Variants in DNAI4 observed in about 807,000 individuals in gnomAD.
DNAI4 encodes the protein dynein axonemal intermediate chain 4.
DNAI4 carries 85 observed loss-of-function variants against 105.8 expected under a neutral mutation model. That is an observed-to-expected ratio of 0.80 (90% confidence interval 0.67 to 0.96). The LOEUF is 0.96. Ranked by LOEUF, DNAI4 falls within the 40% of genes least tolerant of loss-of-function variation. The probability of loss-of-function intolerance (pLI) is 0.00; values close to 1 mark genes in which losing one functional copy is unlikely to be tolerated. For synonymous variants in DNAI4, 352 were observed against 331.5 expected, an observed-to-expected ratio of 1.06 and a Z score of -0.67; for missense variants, 1,014 against 1,005.6, an observed-to-expected ratio of 1.01 and a Z score of -0.11.
chr1:66,845,703 C>T (rs75306789), intron 8 of DNAI4, among the ~76,000 whole-genome samples: 4,399 of 152,214 alleles, frequency 0.029, 83 homozygotes, highest in Non-Finnish European at 0.043. Flanking sequence ...ATACATGCAT[C>T]AACCTAGGAA....
Position 66,827,026 on chromosome 1 carries a change from T to C in DNAI4, c.2133A>G (p.Thr711=), listed in dbSNP as rs774589247. The change falls in exon 15 of 17, where the codon ACA becomes ACG. Residue 711 remains threonine (T), a synonymous_variant. Transcript: ENST00000371026. ...RGHKGPVYKV[T]WNPFCHDVFL... The stretch of plus-strand genomic sequence containing the variant: ...ATACATCATGACAAAATGGATTCCA[T>C]GTCACTTTATACACTGGACCCTAGA... 1.9e-6 allele frequency: 3 copies of C among 1,614,038 alleles called. No homozygotes were observed. The highest frequency in any genetic ancestry group is 2.2e-5 in the South Asian group (2 of 91,062).
chr1:66,857,987 C>T (rs1646538373), intron 7 of DNAI4, among the ~76,000 whole-genome samples: 1 of 152,006 alleles, frequency 6.6e-6, no homozygotes, highest in Non-Finnish European at 1.5e-5. Context: ...TCTGAATTGG[C>T]CTATATCTAT....
In DNAI4 at chr1:66,837,772, G is replaced by A; in HGVS notation, c.1519C>T (p.His507Tyr). The change falls in exon 10 of 17, where the codon CAC becomes TAC. Residue 507 changes from histidine (H) to tyrosine (Y), a missense_variant. His to Tyr is a moderately conservative substitution (Grantham distance 83). Transcript: ENST00000371026. ...CTTTTTTGCTCTTTAAATCCAAAGTGCCCATAGCCAACAGCCAAAAGATCC... is the reference window on the plus strand; with the variant it reads ...CTTTTTTGCTCTTTAAATCCAAAGTACCCATAGCCAACAGCCAAAAGATCC... ...NPDLLAVGYGHFGFKEQKRGL... is the reference protein window; with the variant it reads ...NPDLLAVGYGYFGFKEQKRGL... The A allele has an allele frequency of 1.9e-6, 3 of 1,606,590 alleles. No individual in the cohort carries two copies. The highest frequency in any genetic ancestry group is 1.7e-4 in the Middle Eastern group (1 of 6,042).
Position 66,847,555 on chromosome 1 carries a change from A to T in DNAI4, c.1220T>A (p.Met407Lys). The stretch of plus-strand genomic sequence containing the variant: ...TATATTTTCCATCAGAACCCGTTCC[A>T]TAAAAAATAAGTCCTGATGAAATTT... ...SDKFHQDLFF[M>K]ERVLMENIFQ... Residue 407 changes from methionine (M) to lysine (K), a missense_variant, in exon 8 of 17, where the codon ATG becomes AAG. Physicochemically the swap from Met to Lys is moderately conservative, Grantham distance 95. Coordinates refer to ENST00000371026, the MANE Select transcript of DNAI4 (RefSeq NM_024763.5). 1 of 1,614,062 alleles carries T rather than the reference A, an allele frequency of 6.2e-7. No individual in the cohort carries two copies. Among genetic ancestry groups the T allele is most frequent in the Non-Finnish European group, 8.5e-7 (1 of 1,179,980 alleles).
intron 1 of DNAI4, among the ~76,000 whole-genome samples, chr1:66,924,127 C>G (rs1650889961): frequency 6.6e-6 from 1 of 152,174 alleles, no homozygotes. Flanking sequence ...AACGATGGTT[C>G]TAAACCAGGT....
intron 3 of DNAI4, 123 bp from the exon 4 acceptor site, chr1:66,891,389 A>G: frequency 1.7e-6 from 1 of 603,514 alleles, no homozygotes; most frequent in Admixed American, 3.3e-5. Flanking sequence ...TAAGCAAAAT[A>G]GATACATTAA....
intron 7 of DNAI4, among the ~76,000 whole-genome samples, chr1:66,861,689 G>T (rs1275379231): frequency 1.3e-5 from 2 of 152,162 alleles, no homozygotes; most frequent in South Asian, 4.1e-4. Context: ...ATCCCCGGTA[G>T]ATGCCCTCAT....
chr1:66,910,586 A>C (rs1649582315), intron 1 of DNAI4, among the ~76,000 whole-genome samples: 1 of 152,250 alleles, frequency 6.6e-6, no homozygotes, highest in Non-Finnish European at 1.5e-5. Flanking sequence ...TCCATGGCCA[A>C]ATGCCAGAAC....
chr1:66,846,021 T>A (rs547912600), intron 8 of DNAI4, among the ~76,000 whole-genome samples: 5 of 152,308 alleles, frequency 3.3e-5, no homozygotes, highest in African/African-American at 9.6e-5. Flanking sequence ...TTTCATTGTA[T>A]ATAAATCTTA....
chr1:66,863,005 G>T (rs1333838760), intron 6 of DNAI4, among the ~76,000 whole-genome samples: 1 of 152,096 alleles, frequency 6.6e-6, no homozygotes, highest in African/African-American at 2.4e-5. Flanking sequence ...GCCCCTGCTG[G>T]GAAAATTGAT....
intron 16 of DNAI4, among the ~76,000 whole-genome samples, chr1:66,817,266 A>C (rs901714490): frequency 2.0e-5 from 3 of 152,188 alleles, no homozygotes; most frequent in African/African-American, 7.2e-5. Context: ...GAGTTGAACA[A>C]AGCCCTAAAG....
In DNAI4 at chr1:66,822,359, A is replaced by C. The variant is rs1363052982; in HGVS notation, c.2496+2T>G. The C allele has an allele frequency of 1.9e-6, 3 of 1,600,798 alleles. No homozygotes were observed. Among genetic ancestry groups the C allele is most frequent in the Non-Finnish European group, 2.6e-6 (3 of 1,175,026 alleles). On this transcript the variant is annotated splice_donor_variant, in intron 16 of 16. Transcript: ENST00000371026. LOFTEE classifies it high-confidence loss of function. ...ACAAATTTTTTTACTCTTGAGTCTT[A>C]CCCGGCCAGTTTCCAAAACAGTAGG...
At position 66,890,840 on chromosome 1, in the gene DNAI4, A is replaced by AAGGAAG; in HGVS notation, c.643+308_643+313dup. 2.7e-6 allele frequency: 1 copy of AAGGAAG among 364,910 alleles called. No homozygotes were observed. The allele number at this position is 364,910 out of a possible 1,614,324, so 22.6% of individuals were successfully genotyped here. ...AAGAGGAAAAGAGGAAGAGGAAGAA[A>AAGGAAG]AGGAAGAGGAAGAAGAAGAGGAAGA... On this transcript the variant is annotated intron_variant, in intron 4 of 16. Coordinates refer to ENST00000371026, the MANE Select transcript of DNAI4 (RefSeq NM_024763.5). This position sits in a 1 kb window ranked among gnomAD's most constrained non-coding sequence, Gnocchi z 4.1.
chr1:66,820,375 A>G (rs1426463710), intron 16 of DNAI4, among the ~76,000 whole-genome samples: 1 of 152,212 alleles, frequency 6.6e-6, no homozygotes, highest in Non-Finnish European at 1.5e-5. Flanking sequence ...TAGTTTTTCA[A>G]TGCATATTTA....
intron 4 of DNAI4, among the ~76,000 whole-genome samples, chr1:66,888,412 C>A (rs554848476): frequency 1.3e-5 from 2 of 152,032 alleles, no homozygotes; most frequent in East Asian, 3.9e-4. Context: ...TCACCAGCAA[C>A]GGCTGGGCGT....
At chr1:66,915,479 T>C (rs188729288) in intron 1 of DNAI4, among the ~76,000 whole-genome samples, 10 of 152,316 alleles carry the variant, frequency 6.6e-5, no homozygotes, top group Admixed American at 4.6e-4. Context: ...TTTTCATAGG[T>C]CATATAGGTA....
chr1:66,830,090 A>G (rs1373647655), intron 13 of DNAI4, among the ~76,000 whole-genome samples: 2 of 152,196 alleles, frequency 1.3e-5, no homozygotes, highest in Non-Finnish European at 2.9e-5. Context: ...TACAGCAGAA[A>G]TAACTACATT....
At chr1:66,916,083 T>TAA (rs34693536) in intron 1 of DNAI4, among the ~76,000 whole-genome samples, 1,317 of 117,294 alleles carry the variant, frequency 0.011, 28 homozygotes, top group African/African-American at 0.035. Context: ...AGACTCTGTC[T>TAA]AAAAAAAAAA....
At chr1:66,863,733 C>T (rs2100615786) in intron 6 of DNAI4, among the ~76,000 whole-genome samples, 1 of 152,294 alleles carries the variant, frequency 6.6e-6, no homozygotes, top group Middle Eastern at 3.4e-3. Flanking sequence ...GCTGGGATTA[C>T]AGGTGTGAGC....
Sources: gnomAD v4.1 joint callset for allele counts (sites outside exome capture counted in the v4.1 genomes callset) on GRCh38, gnomAD v4.1.1 for gene constraint, Gnocchi (gnomAD v3.1) non-coding constraint, MANE v1.5 for transcripts, NCBI Gene and HGNC (gene_info 2026-07-23, HGNC 2026-07-21) for gene names.